DLG1: variants seen among roughly 807,000 people sequenced by gnomAD.
DLG1 encodes discs large MAGUK scaffold protein 1.
DLG1 carries 42 observed loss-of-function variants against 123.4 expected under a neutral mutation model. The ratio of observed to expected loss-of-function variants is 0.34; its 90% CI spans 0.27 to 0.44. DLG1 has a LOEUF of 0.44. Ranked by LOEUF, DLG1 falls within the 20% of genes least tolerant of loss-of-function variation. The pLI is 1.00. For missense variants in DLG1, 942 were observed against 1,082.6 expected (o/e 0.87, Z 1.82); for synonymous variants, 317 against 356.2 (o/e 0.89, Z 1.24).
intron 8 of DLG1, among the ~76,000 whole-genome samples, chr3:197,138,992 T>G (rs1786525296): frequency 6.6e-6 from 1 of 152,212 alleles, no homozygotes; most frequent in African/African-American, 2.4e-5. Context: ...TGAGTGCCTA[T>G]TCCAACCTAT....
intron 4 of DLG1, among the ~76,000 whole-genome samples, chr3:197,224,134 A>G (rs990923940): frequency 1.3e-5 from 2 of 152,102 alleles, no homozygotes; most frequent in African/African-American, 4.8e-5. Flanking sequence ...GTTATGTGAC[A>G]TTTTCAATAC....
intron 5 of DLG1, among the ~76,000 whole-genome samples, chr3:197,150,703 G>C (rs550563747): frequency 6.6e-6 from 1 of 152,140 alleles, no homozygotes; most frequent in South Asian, 2.1e-4. Context: ...GCTGTATAAA[G>C]TAACACTGTA....
intron 4 of DLG1, among the ~76,000 whole-genome samples, chr3:197,260,750 CAAAAAAAA>C (rs570596943): frequency 1.6e-4 from 3 of 18,318 alleles, no homozygotes; most frequent in African/African-American, 2.1e-4. Context: ...TGACAACCAC[CAAAAAAAA>C]AAAAAAAAAA....
intron 14 of DLG1, among the ~76,000 whole-genome samples, chr3:197,091,413 C>A (rs1430547868): frequency 9.9e-5 from 15 of 151,828 alleles, no homozygotes. Context: ...ATAATTAATA[C>A]ACTAGATGCT....
intron 5 of DLG1, among the ~76,000 whole-genome samples, chr3:197,176,461 T>C (rs1807147769): frequency 6.6e-6 from 1 of 152,142 alleles, no homozygotes; most frequent in South Asian, 2.1e-4. Flanking sequence ...TGTGCTCTAT[T>C]ATTTATCCCT....
rs1429478989 is a variant in DLG1 at position 197,117,951 on chromosome 3, C to T, written c.1286+1459G>A. On this transcript the variant is annotated intron_variant, in intron 12 of 24. Transcript: ENST00000667157. Reference sequence around the variant, plus strand: ...GCTGTTAAAAAATAAACTTTAGAACCAAAATGTAGGTATGTTGTGATTTTT... The same window carrying T: ...GCTGTTAAAAAATAAACTTTAGAACTAAAATGTAGGTATGTTGTGATTTTT... 7.3e-5 allele frequency among the ~76,000 whole-genome samples: 11 copies of T among 151,522 alleles called. 1 individual carries two copies. The highest frequency in any genetic ancestry group is 8.8e-5 in the Non-Finnish European group (6 of 67,864).
chr3:197,053,671 C>G (rs572178068), intron 23 of DLG1, among the ~76,000 whole-genome samples: 3 of 151,028 alleles, frequency 2.0e-5, no homozygotes, highest in Non-Finnish European at 4.4e-5. Flanking sequence ...ACTAGGGAGG[C>G]TGAGGCAAGA....
At chr3:197,245,303 T>C (rs1368678384) in intron 4 of DLG1, among the ~76,000 whole-genome samples, 1 of 152,156 alleles carries the variant, frequency 6.6e-6, no homozygotes, top group Non-Finnish European at 1.5e-5. Flanking sequence ...CTTAACTACA[T>C]TGTTGGTGGT....
At chr3:197,283,651 C>T (rs1770423894) in intron 3 of DLG1, among the ~76,000 whole-genome samples, 1 of 152,144 alleles carries the variant, frequency 6.6e-6, no homozygotes, top group African/African-American at 2.4e-5. Flanking sequence ...ATTCACCACG[C>T]TTAATTCCTT....
At chr3:197,238,313 C>T (rs1434107184) in intron 4 of DLG1, among the ~76,000 whole-genome samples, 4 of 152,146 alleles carry the variant, frequency 2.6e-5, no homozygotes, top group African/African-American at 4.8e-5. Context: ...ATGCCAACAT[C>T]AAGACACCAC....
intron 21 of DLG1, 36 bp downstream of exon 21, chr3:197,065,672 G>A (rs756651910): frequency 7.2e-7 from 1 of 1,397,242 alleles, no homozygotes; most frequent in Non-Finnish European, 1.0e-6. Flanking sequence ...GAAATGTTAA[G>A]AGTAACAATT....
intron 22 of DLG1, among the ~76,000 whole-genome samples, chr3:197,062,357 A>T (rs1041668289): frequency 1.9e-4 from 29 of 152,208 alleles, no homozygotes; most frequent in Non-Finnish European, 3.1e-4. Context: ...TACTTGAAGT[A>T]TGGCTGCGAC....
chr3:197,268,895 AAAAC>A (rs143174160), intron 4 of DLG1, among the ~76,000 whole-genome samples: 20,386 of 151,592 alleles, frequency 0.13, 1,842 homozygotes, highest in African/African-American at 0.26. Flanking sequence ...AATACTGTTA[AAAAC>A]AAACACACAC....
Position 197,044,615 on chromosome 3 carries a change from A to G in DLG1, c.*8T>C. 3.2e-6 allele frequency: 5 copies of G among 1,575,280 alleles called. No homozygotes were observed. The highest frequency in any genetic ancestry group is 4.4e-6 in the Non-Finnish European group (5 of 1,148,380). On this transcript the variant is annotated 3_prime_UTR_variant, in exon 25 of 25. Transcript: ENST00000667157. The stretch of plus-strand genomic sequence containing the variant: ...TTGTGGAAAAGAGAAACAGAGAAAC[A>G]TGAGTTTTCATAGCTTTTCTTTTGC...
intron 4 of DLG1, among the ~76,000 whole-genome samples, chr3:197,232,738 CATCT>C (rs1743893623): frequency 6.6e-6 from 1 of 150,734 alleles, no homozygotes; most frequent in Non-Finnish European, 1.5e-5. Context: ...CTAAAATTAC[CATCT>C]ATCTGGCAGA....
At chr3:197,244,716 G>A (rs1468924212) in intron 4 of DLG1, among the ~76,000 whole-genome samples, 1 of 151,346 alleles carries the variant, frequency 6.6e-6, no homozygotes, top group Admixed American at 6.6e-5. Flanking sequence ...GTTGTTGTTT[G>A]GACTGCAGTC....
intron 4 of DLG1, among the ~76,000 whole-genome samples, chr3:197,261,216 T>C (rs1255654682): frequency 1.3e-5 from 2 of 152,210 alleles, no homozygotes; most frequent in Non-Finnish European, 2.9e-5. Context: ...ACAGGGGACA[T>C]GGCAGAGGGA....
At chr3:197,070,038 G>T (rs1011473251) in intron 18 of DLG1, 1 of 152,042 alleles carries the variant, frequency 6.6e-6, no homozygotes, top group Admixed American at 6.6e-5. Flanking sequence ...GAAACTGCCT[G>T]GCCCTCCTTA....
At chr3:197,209,156 A>G (rs906143876) in intron 4 of DLG1, among the ~76,000 whole-genome samples, 1 of 146,414 alleles carries the variant, frequency 6.8e-6, no homozygotes, top group Admixed American at 6.9e-5. Flanking sequence ...GCAAAGCGAG[A>G]GATATACTTC....
Sources: allele counts gnomAD v4.1 joint callset (sites outside exome capture counted in the v4.1 genomes callset), GRCh38; gene constraint gnomAD v4.1.1; transcripts MANE v1.5; gene names NCBI Gene and HGNC (gene_info 2026-07-23, HGNC 2026-07-21).